The following TENM4 variants were observed in gnomAD, a reference collection of about 807,000 sequenced individuals.
The protein encoded by TENM4 is teneurin-4.
Under a neutral mutation model 243.3 loss-of-function variants are expected in TENM4, and 82 were observed. The ratio of observed to expected loss-of-function variants is 0.34; its 90% CI spans 0.28 to 0.40. TENM4 has a LOEUF of 0.40. Among genes scored for constraint, TENM4 ranks in the 10% least tolerant of loss-of-function variants. TENM4 has a pLI of 1.00. For missense variants in TENM4, 3,138 were observed against 3,673.3 expected (o/e 0.85, Z 3.77); for synonymous variants, 1,412 against 1,456.3 (o/e 0.97, Z 0.69).
chr11:78,860,608 A>G (rs1351001802), intron 10 of TENM4, among the ~76,000 whole-genome samples: 6 of 152,232 alleles, frequency 3.9e-5, no homozygotes, highest in Non-Finnish European at 8.8e-5. Flanking sequence ...TAACATCACA[A>G]TGAAAAACAT....
chr11:79,119,591 T>C (rs903834355), intron 4 of TENM4, among the ~76,000 whole-genome samples: 2 of 152,194 alleles, frequency 1.3e-5, no homozygotes, highest in African/African-American at 4.8e-5. Context: ...AGACCTTTCT[T>C]AGATTCCTAA....
Position 78,653,727 on chromosome 11 carries a change from C to T in TENM4, c.*4331G>A, listed in dbSNP as rs1857825987. ...GACTAGTCCTCCCTTGGCTGTTCGC[C>T]CTCAGAATAAATCACATTTTCTTGG... On this transcript the variant is annotated 3_prime_UTR_variant, in exon 34 of 34. Transcript: ENST00000278550. 6.6e-6 allele frequency: 1 copy of T among 152,238 alleles called. No homozygotes were observed. Among genetic ancestry groups the T allele is most frequent in the Non-Finnish European group, 1.5e-5 (1 of 68,054 alleles). 9.4% of individuals were successfully genotyped at this position (152,238 alleles called of 1,614,324 possible).
intron 4 of TENM4, among the ~76,000 whole-genome samples, chr11:79,138,184 C>G (rs529033463): frequency 1.1e-4 from 16 of 150,192 alleles, no homozygotes; most frequent in African/African-American, 3.9e-4. Context: ...ATGCTTCCTG[C>G]CCTCAAATAT....
intron 23 of TENM4, among the ~76,000 whole-genome samples, chr11:78,724,067 C>CCTTTTCTTTTTT (rs1328767248): frequency 6.6e-6 from 1 of 151,408 alleles, no homozygotes; most frequent in South Asian, 2.1e-4. Flanking sequence ...TCCTCTCTCT[C>CCTTTTCTTTTTT]CTTTTCTTTT....
At chr11:78,774,487 G>A (rs1246356635) in intron 17 of TENM4, among the ~76,000 whole-genome samples, 1 of 152,154 alleles carries the variant, frequency 6.6e-6, no homozygotes, top group Non-Finnish European at 1.5e-5. Context: ...CTAGCATATT[G>A]TACTTCTCTC....
intron 1 of TENM4, among the ~76,000 whole-genome samples, chr11:79,415,306 G>A (rs1446411549): frequency 6.6e-6 from 1 of 152,164 alleles, no homozygotes. Flanking sequence ...ATGCCCCCAA[G>A]GAAGTAAAGT....
chr11:78,699,184 T>C (rs900758810), intron 28 of TENM4, among the ~76,000 whole-genome samples: 19 of 152,236 alleles, frequency 1.2e-4, no homozygotes, highest in African/African-American at 4.3e-4. Context: ...TGAGTACTTA[T>C]AATCAATCAG....
At chr11:79,060,972 G>T (rs139766918) in intron 6 of TENM4, among the ~76,000 whole-genome samples, 2 of 152,148 alleles carry the variant, frequency 1.3e-5, no homozygotes, top group African/African-American at 4.8e-5. Flanking sequence ...GGGCCCAGGG[G>T]TTTGTTGAGG....
At chr11:78,984,703 C>T (rs1225014404) in intron 6 of TENM4, among the ~76,000 whole-genome samples, 11 of 152,148 alleles carry the variant, frequency 7.2e-5, no homozygotes, top group Non-Finnish European at 1.0e-4. Context: ...CCTCTACTAC[C>T]GGTAACCACA....
At chr11:79,144,755 G>T (rs572255556) in intron 4 of TENM4, among the ~76,000 whole-genome samples, 1 of 152,134 alleles carries the variant, frequency 6.6e-6, no homozygotes, top group Non-Finnish European at 1.5e-5. Flanking sequence ...TGGAGATAAA[G>T]AATGTAAGGA....
chr11:78,673,436 T>C (rs1858386234), intron 30 of TENM4, among the ~76,000 whole-genome samples: 1 of 152,116 alleles, frequency 6.6e-6, no homozygotes, highest in African/African-American at 2.4e-5. Context: ...GGAAAGCAGA[T>C]AATTAGGTCA....
chr11:78,805,076 A>G (rs1031364122), intron 15 of TENM4, among the ~76,000 whole-genome samples: 1 of 152,192 alleles, frequency 6.6e-6, no homozygotes, highest in Non-Finnish European at 1.5e-5. Context: ...TCTCAGGGCC[A>G]CTACTATGGA....
rs540437636 is a variant in TENM4, at chr11:78,670,223, A to G, written c.6122T>C (p.Leu2041Pro). 1.2e-6 allele frequency: 2 copies of G among 1,613,968 alleles called. No individual in the cohort carries two copies. Among genetic ancestry groups the G allele is most frequent in the African/African-American group, 1.3e-5 (1 of 75,052 alleles). Residue 2041 changes from leucine to proline, a missense_variant, in exon 32 of 34, where the codon CTG becomes CCG. Physicochemically the swap from Leu to Pro is moderately conservative, Grantham distance 98. Transcript: ENST00000278550. ...SFTYDETAGM[L>P]KTINLQNEGF... ...CTCATTCTGTAGGTTGATGGTCTTCAGCATGCCTGCCGTCTCGTCATAGGT... is the reference window on the plus strand; with the variant it reads ...CTCATTCTGTAGGTTGATGGTCTTCGGCATGCCTGCCGTCTCGTCATAGGT...
rs1565327998 is a variant in TENM4, at chr11:78,676,142, C to CCT, written c.5496+8_5496+9dup. ...CCCAGGACGCAGCCACCTCCAGAGG[C>CCT]CTCGCTCACCCGCAGCCGGCGCCCA... is the stretch of plus-strand genomic sequence containing the variant. On this transcript the variant is annotated intron_variant, in intron 30 of 33. Transcript: ENST00000278550. 1.3e-6 allele frequency: 2 copies of CCT among 1,496,866 alleles called. No homozygotes were observed. The highest frequency in any genetic ancestry group is 4.1e-5 in the Admixed American group (2 of 49,174). The allele number at this position is 1,496,866 out of a possible 1,614,324, so 92.7% of individuals were successfully genotyped here. A position where few individuals can be genotyped will look rare whatever the true frequency, so the allele number is the denominator to read the frequency against.
chr11:78,707,287 A>C (rs1859280741), intron 27 of TENM4, among the ~76,000 whole-genome samples: 1 of 152,270 alleles, frequency 6.6e-6, no homozygotes, highest in South Asian at 2.1e-4. Flanking sequence ...CCACTGATTC[A>C]GCATGGGCCT....
At chr11:78,687,065 G>A (rs759382129) in intron 29 of TENM4, among the ~76,000 whole-genome samples, 1 of 152,134 alleles carries the variant, frequency 6.6e-6, no homozygotes, top group South Asian at 2.1e-4. Context: ...CAGCCCTGTG[G>A]GGCAGGTGTT....
chr11:79,096,922 G>GCACACACACACA (rs1565202251), intron 4 of TENM4: 1 of 120,064 alleles, frequency 8.3e-6, no homozygotes, highest in South Asian at 2.7e-4. Flanking sequence ...ACATGCGCGC[G>GCACACACACACA]CGCGCGCACA....
At chr11:78,698,645 C>G (rs532482473) in intron 28 of TENM4, among the ~76,000 whole-genome samples, 18 of 152,216 alleles carry the variant, frequency 1.2e-4, no homozygotes, top group Non-Finnish European at 2.5e-4. Flanking sequence ...CTGTACACCT[C>G]TAATTCTAGA....
At chr11:79,370,959 C>A (rs1324425966) in intron 1 of TENM4, among the ~76,000 whole-genome samples, 1 of 152,064 alleles carries the variant, frequency 6.6e-6, no homozygotes, top group Non-Finnish European at 1.5e-5. Context: ...AAGAAAATGT[C>A]AGGAACTCTA....
Sources: gnomAD v4.1 joint callset for allele counts (sites outside exome capture counted in the v4.1 genomes callset) on GRCh38, gnomAD v4.1.1 for gene constraint, MANE v1.5 for transcripts, NCBI Gene and HGNC (gene_info 2026-07-23, HGNC 2026-07-21) for gene names.